ANK3: variants seen among roughly 807,000 people sequenced by gnomAD.
ANK3 encodes ankyrin 3.
In ANK3, 57 loss-of-function variants were observed where a neutral mutation model predicts 370.9. The ratio of observed to expected loss-of-function variants is 0.15; its 90% CI spans 0.12 to 0.19. The LOEUF (loss-of-function observed/expected upper bound fraction) is 0.19. Ranked by LOEUF, ANK3 falls within the 10% of genes least tolerant of loss-of-function variation. The pLI, the probability that ANK3 is intolerant of heterozygous loss-of-function variation, is 1.00. For missense variants in ANK3, 4,439 were observed against 5,302.1 expected, an observed-to-expected ratio of 0.84 and a Z score of 5.06; for synonymous variants, 1,929 against 1,946.3, an observed-to-expected ratio of 0.99 and a Z score of 0.23.
intron 1 of ANK3, among the ~76,000 whole-genome samples, chr10:60,697,906 G>T (rs1174857722): frequency 1.3e-5 from 2 of 151,418 alleles, no homozygotes; most frequent in African/African-American, 2.4e-5. Context: ...TGACAAATGG[G>T]ATCTAATTAA....
Position 60,067,919 on chromosome 10 carries a change from G to A in ANK3, c.12319+16C>T. ...GAAGAAACTAATTTGTTCCATTCAGGAGTGTATGCACTTACCTGTCCAACT... is the reference window on the plus strand; with the variant it reads ...GAAGAAACTAATTTGTTCCATTCAGAAGTGTATGCACTTACCTGTCCAACT... On this transcript the variant is annotated intron_variant, in intron 38 of 43. Coordinates refer to ENST00000280772, the MANE Select transcript of ANK3 (RefSeq NM_020987.5). 1 of 1,588,572 alleles carries A rather than the reference G, an allele frequency of 6.3e-7. No homozygotes were observed. The highest frequency in any genetic ancestry group is 8.6e-7 in the Non-Finnish European group (1 of 1,160,664).
intron 8 of ANK3, among the ~76,000 whole-genome samples, chr10:60,225,755 C>T (rs1434110241): frequency 3.3e-5 from 5 of 151,978 alleles, no homozygotes; most frequent in Non-Finnish European, 7.4e-5. Flanking sequence ...GAGACTAGAA[C>T]ACACCCTTAT....
chr10:60,680,008 A>G (rs1360835347), intron 1 of ANK3, among the ~76,000 whole-genome samples: 1 of 151,696 alleles, frequency 6.6e-6, no homozygotes, highest in African/African-American at 2.4e-5. Flanking sequence ...GGTGGTGGGC[A>G]CCTGCAGTCC....
chr10:60,279,337 A>C (rs1407918730), intron 2 of ANK3, among the ~76,000 whole-genome samples, 189 bp from the exon 3 acceptor site: 2 of 152,218 alleles, frequency 1.3e-5, no homozygotes, highest in Admixed American at 1.3e-4. Flanking sequence ...TGTTATCATT[A>C]TTTACTAAAT....
intron 1 of ANK3, among the ~76,000 whole-genome samples, chr10:60,381,735 A>G (rs979914137): frequency 1.3e-5 from 2 of 152,174 alleles, no homozygotes; most frequent in Non-Finnish European, 2.9e-5. Context: ...AAATGCATTT[A>G]TTTGCAGTAT....
At chr10:60,085,130 G>A (rs1220929215) in intron 31 of ANK3, 27 bp downstream of exon 31, 1 of 1,567,338 alleles carries the variant, frequency 6.4e-7, no homozygotes, top group Non-Finnish European at 8.7e-7. Context: ...ATTCCTTACT[G>A]CTTTTTGGAA....
intron 23 of ANK3, among the ~76,000 whole-genome samples, chr10:60,162,047 C>A (rs1423258856): frequency 1.3e-5 from 2 of 151,988 alleles, no homozygotes; most frequent in Admixed American, 6.6e-5. Flanking sequence ...TATTATGTAT[C>A]CATTATTACA....
intron 2 of ANK3, among the ~76,000 whole-genome samples, chr10:60,566,018 C>T (rs759669783): frequency 1.2e-4 from 19 of 152,332 alleles, no homozygotes; most frequent in Non-Finnish European, 2.2e-4. Flanking sequence ...CATGTGCTCA[C>T]TTTGTGTCTC....
At chr10:60,519,950 A>G (rs528822202) in intron 2 of ANK3, among the ~76,000 whole-genome samples, 1 of 152,276 alleles carries the variant, frequency 6.6e-6, no homozygotes, top group Non-Finnish European at 1.5e-5. Context: ...GTGATCAGAT[A>G]TTATGCTCTG....
chr10:60,243,017 TA>T (rs1478723301), intron 7 of ANK3, among the ~76,000 whole-genome samples: 2 of 152,178 alleles, frequency 1.3e-5, no homozygotes, highest in African/African-American at 2.4e-5. Flanking sequence ...AATATATACT[TA>T]TGTCTTACTA....
intron 1 of ANK3, among the ~76,000 whole-genome samples, chr10:60,625,980 A>G (rs1248910505): frequency 6.6e-6 from 1 of 152,230 alleles, no homozygotes; most frequent in Non-Finnish European, 1.5e-5. Context: ...CACTTGTTCC[A>G]GGAAAATAAG....
intron 12 of ANK3, among the ~76,000 whole-genome samples, chr10:60,201,708 CTTTTTTTTTT>C (rs10544317): frequency 8.3e-6 from 1 of 120,316 alleles, no homozygotes; most frequent in African/African-American, 3.1e-5. Flanking sequence ...GAAATCACTT[CTTTTTTTTTT>C]TTTTTTTTTT....
At chr10:60,718,019 G>C (rs1176097755) in intron 1 of ANK3, among the ~76,000 whole-genome samples, 1 of 152,196 alleles carries the variant, frequency 6.6e-6, no homozygotes, top group Non-Finnish European at 1.5e-5. Flanking sequence ...CCTTACTTAG[G>C]CAGGATGCCA....
intron 2 of ANK3, among the ~76,000 whole-genome samples, chr10:60,529,098 T>C (rs1335731435): frequency 6.6e-6 from 1 of 152,088 alleles, no homozygotes; most frequent in African/African-American, 2.4e-5. Flanking sequence ...TACCATGCCA[T>C]GCACAGAAGG....
chr10:60,630,406 C>T (rs141051782), intron 1 of ANK3, among the ~76,000 whole-genome samples: 1 of 152,130 alleles, frequency 6.6e-6, no homozygotes. Flanking sequence ...GTTGCTGCAA[C>T]AGCAAGGTGA....
In ANK3 at chr10:60,063,158, G is replaced by A. The variant is rs1325712129; in HGVS notation, c.12548C>T (p.Thr4183Ile). ...PIFDYGNISGTRSFADENNVF... is the reference protein window; with the variant it reads ...PIFDYGNISGIRSFADENNVF... ...ATTGTTCTCATCTGCAAAACTTCTG[G>A]TGCCTGAAATATTTCCATAATCAAA... is the stretch of plus-strand genomic sequence containing the variant. Residue 4183 changes from threonine to isoleucine, a missense_variant, in exon 40 of 44, where the codon ACC becomes ATC. This residue lies in a region of ANK3 where 242 missense variants were observed against 228.0 expected (regional missense o/e 1.06). Coordinates refer to ENST00000280772, the MANE Select transcript of ANK3 (RefSeq NM_020987.5). 2 of 1,613,206 alleles carry A rather than the reference G, an allele frequency of 1.2e-6. No homozygotes were observed. Among genetic ancestry groups the A allele is most frequent in the Non-Finnish European group, 1.7e-6 (2 of 1,179,732 alleles).
intron 1 of ANK3, among the ~76,000 whole-genome samples, chr10:60,706,202 C>A (rs1023567423): frequency 2.6e-5 from 4 of 152,168 alleles, no homozygotes; most frequent in Non-Finnish European, 5.9e-5. Context: ...ACAAGCACCA[C>A]CATTGTAAAG....
At chr10:60,281,471 C>T (rs1272539833) in intron 1 of ANK3, among the ~76,000 whole-genome samples, 2 of 152,216 alleles carry the variant, frequency 1.3e-5, no homozygotes, top group Non-Finnish European at 2.9e-5. Context: ...AGTAACCCAA[C>T]TTACATAAAG....
chr10:60,180,594 C>CAAAAAAAAAAAA lies in ANK3; in HGVS notation c.2184+723_2184+734dup, dbSNP rs58386273. Among the ~76,000 whole-genome samples, 126 of 63,362 alleles carry CAAAAAAAAAAAA rather than the reference C, an allele frequency of 2.0e-3. 10 individuals are homozygous for CAAAAAAAAAAAA. Among genetic ancestry groups the CAAAAAAAAAAAA allele is most frequent in the Admixed American group, 3.3e-3 (15 of 4,520 alleles). The allele number at this position is 63,362 out of a possible 152,430, so 41.6% of individuals were successfully genotyped here. A position where few individuals can be genotyped will look rare whatever the true frequency, so the allele number is the denominator to read the frequency against. ...CTGGTAACAGAGTGAGACTCCGTCT[C>CAAAAAAAAAAAA]AAAAAAAAAAAAAAAAAAACCAAAA... On this transcript the variant is annotated intron_variant, in intron 18 of 43. Coordinates refer to ENST00000280772, the MANE Select transcript of ANK3 (RefSeq NM_020987.5).
Sources: allele counts gnomAD v4.1 joint callset (sites outside exome capture counted in the v4.1 genomes callset), GRCh38; gene constraint gnomAD v4.1.1; regional missense constraint gnomAD v4.1.1; transcripts MANE v1.5; gene names NCBI Gene and HGNC (gene_info 2026-07-23, HGNC 2026-07-21).